The following ATP2C2 variants were observed in gnomAD, a reference collection of about 807,000 sequenced individuals.
ATP2C2 encodes the protein calcium-transporting ATPase type 2C member 2.
A neutral mutation model predicts 110.8 loss-of-function variants in ATP2C2; 171 were observed. That is an observed-to-expected ratio of 1.54 (90% CI 1.36 to 1.75). The LOEUF (loss-of-function observed/expected upper bound fraction) is 1.75. ATP2C2 is among the 40% of genes most tolerant of loss of function. The pLI is 0.00. For synonymous variants in ATP2C2, 804 were observed against 508.4 expected (o/e 1.58, Z -7.82); for missense variants, 1,963 against 1,235.0 (o/e 1.59, Z -8.84).
rs201453132 is a variant in ATP2C2, at chr16:84,461,749, G to A, written c.2517G>A (p.Thr839=). 3.2e-5 allele frequency: 51 copies of A among 1,614,190 alleles called. No homozygotes were observed. The East Asian group carries it at 5.6e-4, about 18-fold the overall frequency. The change falls in exon 25 of 27, where the codon ACG becomes ACA. Residue 839 remains threonine (T), a synonymous_variant. Transcript: ENST00000262429. ...PEDRASTPRT[T]TMTFTCFVFF... The stretch of plus-strand genomic sequence containing the variant: ...ACAGAGCAAGCACTCCCCGCACCAC[G>A]ACGATGACGTTCACTTGTTTTGTGT...
intron 6 of ATP2C2, among the ~76,000 whole-genome samples, chr16:84,412,312 G>A (rs1350626028): frequency 8.6e-6 from 1 of 116,832 alleles, no homozygotes; most frequent in Non-Finnish European, 1.9e-5. Context: ...GAGCATGTCT[G>A]CACGTGTGTG....
intron 16 of ATP2C2, 100 bp from the exon 17 acceptor site, chr16:84,448,433 C>G (rs144977653): frequency 2.9e-6 from 4 of 1,382,268 alleles, no homozygotes; most frequent in Non-Finnish European, 3.9e-6. Flanking sequence ...CTGCAAAGAT[C>G]CCCGTGTGTG....
At chr16:84,433,822 A>C (rs1184100468) in intron 11 of ATP2C2, among the ~76,000 whole-genome samples, 1 of 152,150 alleles carries the variant, frequency 6.6e-6, no homozygotes, top group Non-Finnish European at 1.5e-5. Flanking sequence ...TTCTGTGCTC[A>C]AGCCCCAAAT....
chr16:84,422,828 A>G, intron 9 of ATP2C2, 131 bp downstream of exon 9: 3 of 1,058,008 alleles, frequency 2.8e-6, no homozygotes, highest in South Asian at 1.9e-5. Context: ...CTTTTTAAAC[A>G]TTTAATTTTT....
rs951326946 is a variant in ATP2C2, at chr16:84,389,559, T to A, written c.100-8940T>A. 9.9e-5 allele frequency among the ~76,000 whole-genome samples: 15 copies of A among 152,136 alleles called. 1 individual carries two copies. The highest frequency in any genetic ancestry group is 7.9e-4 in the Admixed American group (12 of 15,266). On this transcript the variant is annotated intron_variant, in intron 1 of 26. Coordinates refer to ENST00000262429, the MANE Select transcript of ATP2C2 (RefSeq NM_014861.4). ...GGAGTGCAAAGGTAACTGGCATCTG[T>A]ATTTTCGTTTCTTAAACGCGGCAGC...
intron 11 of ATP2C2, among the ~76,000 whole-genome samples, chr16:84,437,833 G>A (rs376132903): frequency 3.3e-5 from 5 of 152,134 alleles, no homozygotes; most frequent in African/African-American, 7.2e-5. Flanking sequence ...TTTTCTTATC[G>A]CCTCAAAAAG....
intron 1 of ATP2C2, among the ~76,000 whole-genome samples, chr16:84,385,265 C>T (rs1904303745): frequency 6.6e-6 from 1 of 151,596 alleles, no homozygotes; most frequent in African/African-American, 2.4e-5. Flanking sequence ...GGGACGGTGT[C>T]CCATGCTTTT....
chr16:84,436,958 C>T (rs530189503), intron 11 of ATP2C2, among the ~76,000 whole-genome samples: 2 of 152,082 alleles, frequency 1.3e-5, no homozygotes, highest in South Asian at 2.1e-4. Context: ...GACGGGGTTT[C>T]TCCATGTTGG....
intron 6 of ATP2C2, chr16:84,410,984 G>A: frequency 1.7e-6 from 1 of 585,158 alleles, no homozygotes; most frequent in South Asian, 2.0e-5. Context: ...CATCATCAGT[G>A]TCTAAATCAG....
chr16:84,407,680 C>G (rs972110971), intron 3 of ATP2C2, among the ~76,000 whole-genome samples: 5 of 152,054 alleles, frequency 3.3e-5, no homozygotes, highest in African/African-American at 9.7e-5. Context: ...CTGTGTTTCC[C>G]AGGCTGGACT....
chr16:84,451,300 A>G (rs1287673084), intron 17 of ATP2C2, among the ~76,000 whole-genome samples: 1 of 152,148 alleles, frequency 6.6e-6, no homozygotes, highest in Non-Finnish European at 1.5e-5. Context: ...TCCCTCCCAC[A>G]ACACGTGGGA....
intron 7 of ATP2C2, among the ~76,000 whole-genome samples, chr16:84,418,531 T>C (rs892004840): frequency 1.2e-4 from 18 of 152,178 alleles, no homozygotes; most frequent in African/African-American, 4.3e-4. Flanking sequence ...CGTATGAAAA[T>C]TGTTTCATTT....
At position 84,381,044 on chromosome 16, in the gene ATP2C2, G is replaced by C. The variant is rs143433914; in HGVS notation, c.99+12330G>C. ...GTGAAGAGACCACCAAACAGGCTTT[G>C]TGTGAGCAACATGGCTGTTTATTTC... is the stretch of plus-strand genomic sequence containing the variant. On this transcript the variant is annotated intron_variant, in intron 1 of 26. Transcript: ENST00000262429. Among the ~76,000 whole-genome samples the C allele has an allele frequency of 6.2e-4, 94 of 152,314 alleles. 1 individual carries two copies. Among genetic ancestry groups the C allele is most frequent in the African/African-American group, 2.1e-3 (87 of 41,582 alleles).
intron 2 of ATP2C2, among the ~76,000 whole-genome samples, chr16:84,401,925 T>C (rs900882947): frequency 2.6e-5 from 4 of 151,826 alleles, no homozygotes; most frequent in Admixed American, 6.6e-5. Context: ...TTGGGTAGTA[T>C]GGACATTTTA....
At chr16:84,418,797 G>A (rs1053246901) in intron 7 of ATP2C2, among the ~76,000 whole-genome samples, 16 of 152,272 alleles carry the variant, frequency 1.1e-4, no homozygotes, top group Admixed American at 2.6e-4. Context: ...CCATGTATCC[G>A]TTGCCCATGG....
chr16:84,370,673 G>GTTTT (rs1909900413), intron 1 of ATP2C2, among the ~76,000 whole-genome samples: 1 of 113,880 alleles, frequency 8.8e-6, no homozygotes, highest in Non-Finnish European at 1.8e-5. Flanking sequence ...AGTTGGAATT[G>GTTTT]TCTTTTTTTT....
Position 84,459,692 on chromosome 16 carries a change from C to T in ATP2C2, c.2333+306C>T, listed in dbSNP as rs929879632. On this transcript the variant is annotated intron_variant, in intron 23 of 26. Transcript: ENST00000262429. ...CATTCCAGTCACCAGTCACTGCCTT[C>T]AGGAAGTCTTCCCTGATTGCACTCC... 18 of 1,120,940 alleles carry T rather than the reference C, an allele frequency of 1.6e-5. No homozygotes were observed. The African/African-American group carries it at 2.0e-4, about 13-fold the overall frequency. The allele number at this position is 1,120,940 out of a possible 1,614,324, so 69.4% of individuals were successfully genotyped here.
At chr16:84,420,937 C>T (rs1202970136) in intron 7 of ATP2C2, among the ~76,000 whole-genome samples, 1 of 152,170 alleles carries the variant, frequency 6.6e-6, no homozygotes, top group Non-Finnish European at 1.5e-5. Context: ...TCCTGAGTAG[C>T]TGGGATTACA....
In ATP2C2 at chr16:84,459,765, C is replaced by A. The variant is rs546270582; in HGVS notation, c.2333+379C>A. The A allele has an allele frequency of 8.7e-5, 51 of 587,304 alleles. 1 individual carries two copies. In the South Asian group the frequency reaches 9.8e-4, roughly 11 times the overall value. 36.4% of individuals were successfully genotyped at this position (587,304 alleles called of 1,614,324 possible). ...GTATTTTTCCCTAGAGAGGAAGATA[C>A]ACACAGACACACTTTTCCTTATGGA... On this transcript the variant is annotated intron_variant, in intron 23 of 26. Coordinates refer to ENST00000262429, the MANE Select transcript of ATP2C2 (RefSeq NM_014861.4).
Sources: gnomAD v4.1 joint callset for allele counts (sites outside exome capture counted in the v4.1 genomes callset) on GRCh38, gnomAD v4.1.1 for gene constraint, MANE v1.5 for transcripts, NCBI Gene and HGNC (gene_info 2026-07-23, HGNC 2026-07-21) for gene names.